Variants in MRPS28 observed in about 807,000 individuals in gnomAD.
The protein encoded by MRPS28 is small ribosomal subunit protein bS1m.
A neutral mutation model predicts 10.8 loss-of-function variants in MRPS28; 7 were observed. That is an observed-to-expected ratio of 0.65 (90% CI 0.37 to 1.22). The LOEUF (loss-of-function observed/expected upper bound fraction) is 1.22, where lower values mean the gene tolerates loss of function less well. MRPS28 is among the 50% of genes most tolerant of loss of function. The pLI, the probability that MRPS28 is intolerant of heterozygous loss-of-function variation, is 0.02. For synonymous variants in MRPS28, 121 were observed against 93.3 expected, an observed-to-expected ratio of 1.30 and a Z score of -1.71; for missense variants, 265 against 232.9, an observed-to-expected ratio of 1.14 and a Z score of -0.90.
intron 2 of MRPS28, among the ~76,000 whole-genome samples, chr8:79,927,947 G>A (rs1586039470): frequency 6.6e-6 from 1 of 152,100 alleles, no homozygotes; most frequent in East Asian, 1.9e-4. Context: ...CAAGAACCAG[G>A]GTCAACCAGG....
intron 1 of MRPS28, among the ~76,000 whole-genome samples, chr8:80,018,155 T>C (rs2370108): frequency 0.8 from 122,031 of 151,912 alleles, 49,766 homozygotes; most frequent in African/African-American, 0.95. Flanking sequence ...TAGCAGGGCA[T>C]GGTGGCAGGC....
intron 2 of MRPS28, among the ~76,000 whole-genome samples, chr8:79,949,011 T>C (rs955509585): frequency 2.6e-5 from 4 of 152,146 alleles, no homozygotes; most frequent in African/African-American, 4.8e-5. Flanking sequence ...TCGAGTAGGA[T>C]GGTGTGTGTT....
chr8:79,919,942 C>CCCCCCT (rs1035291608), intron 2 of MRPS28, among the ~76,000 whole-genome samples: 8 of 93,576 alleles, frequency 8.5e-5, no homozygotes, highest in East Asian at 4.2e-4. Context: ...TGCTATCCCT[C>CCCCCCT]CCCCCACCCC....
chr8:79,927,920 T>C (rs1187305526), intron 2 of MRPS28, among the ~76,000 whole-genome samples: 1 of 152,152 alleles, frequency 6.6e-6, no homozygotes, highest in Non-Finnish European at 1.5e-5. Flanking sequence ...GTGCTTTAAA[T>C]AGCCTTTTCT....
intron 1 of MRPS28, among the ~76,000 whole-genome samples, chr8:80,014,665 C>T (rs1026561414): frequency 1.3e-5 from 2 of 152,100 alleles, no homozygotes; most frequent in African/African-American, 4.8e-5. Context: ...AAATGTGTGG[C>T]CATATGTAAA....
chr8:80,028,419 C>T (rs928971619), intron 1 of MRPS28, among the ~76,000 whole-genome samples: 2 of 152,034 alleles, frequency 1.3e-5, no homozygotes, highest in African/African-American at 4.8e-5. Context: ...TCAATCATCG[C>T]TATTCTGCTA....
At position 80,028,246 on chromosome 8, in the gene MRPS28, G is replaced by A. The variant is rs1244043862; in HGVS notation, c.213+1790C>T. On this transcript the variant is annotated intron_variant, in intron 1 of 2. Transcript: ENST00000276585. ...CTTAGAATGTGGTATGAATGGGAGC[G>A]AAGCGTGAGTGAGAAATATTAGGTA... Among the ~76,000 whole-genome samples, 8 of 152,124 alleles carry A rather than the reference G, an allele frequency of 5.3e-5. No homozygotes were observed. The South Asian group carries it at 1.5e-3, about 28-fold the overall frequency.
chr8:79,986,769 TA>T (rs56703806), intron 2 of MRPS28, among the ~76,000 whole-genome samples: 2 of 151,568 alleles, frequency 1.3e-5, no homozygotes, highest in Non-Finnish European at 2.9e-5. Context: ...CTCAACGAAA[TA>T]AAAGAGGATA....
At chr8:80,010,570 A>G (rs1319709299) in intron 1 of MRPS28, among the ~76,000 whole-genome samples, 1 of 152,210 alleles carries the variant, frequency 6.6e-6, no homozygotes, top group African/African-American at 2.4e-5. Flanking sequence ...TTAATTTTTA[A>G]TGTTTTAATT....
chr8:79,934,635 C>T (rs779749233), intron 2 of MRPS28, among the ~76,000 whole-genome samples: 1 of 152,132 alleles, frequency 6.6e-6, no homozygotes, highest in Non-Finnish European at 1.5e-5. Flanking sequence ...AGAATACTCA[C>T]CTTTGCTTTC....
At chr8:79,952,557 C>A (rs1470922225) in intron 2 of MRPS28, among the ~76,000 whole-genome samples, 2 of 152,142 alleles carry the variant, frequency 1.3e-5, no homozygotes, top group Non-Finnish European at 2.9e-5. Context: ...TGGGCTGGAA[C>A]CTCCTCTCCA....
intron 2 of MRPS28, among the ~76,000 whole-genome samples, chr8:79,942,622 T>A (rs1360314419): frequency 1.3e-5 from 2 of 152,204 alleles, no homozygotes; most frequent in Non-Finnish European, 2.9e-5. Flanking sequence ...TGGGTCAGTG[T>A]GAATTTACCC....
intron 2 of MRPS28, among the ~76,000 whole-genome samples, chr8:79,974,809 A>G (rs1807746067): frequency 1.3e-5 from 2 of 152,166 alleles, no homozygotes; most frequent in Non-Finnish European, 1.5e-5. Context: ...TCACCTGGCC[A>G]ATAGTAATTT....
intron 2 of MRPS28, among the ~76,000 whole-genome samples, chr8:79,931,898 G>T (rs1586042101): frequency 6.6e-6 from 1 of 152,332 alleles, no homozygotes; most frequent in East Asian, 1.9e-4. Context: ...TAATCTACTG[G>T]ATAAGCAACA....
At chr8:79,966,129 T>C (rs543727404) in intron 2 of MRPS28, among the ~76,000 whole-genome samples, 2 of 152,156 alleles carry the variant, frequency 1.3e-5, no homozygotes, top group East Asian at 1.9e-4. Flanking sequence ...AATTCTATTA[T>C]TGAGTCAGCA....
intron 1 of MRPS28, among the ~76,000 whole-genome samples, chr8:80,020,301 GA>G (rs1182196846): frequency 6.6e-6 from 1 of 152,118 alleles, no homozygotes; most frequent in Non-Finnish European, 1.5e-5. Flanking sequence ...CACTAATTCT[GA>G]AAGGAGGGAG....
intron 2 of MRPS28, among the ~76,000 whole-genome samples, chr8:79,962,741 T>C (rs7814696): frequency 0.016 from 2,457 of 152,200 alleles, 70 homozygotes; most frequent in African/African-American, 0.056. Context: ...GGTGCTCAAA[T>C]GGTAAAGGGA....
chr8:79,952,131 AGT>A (rs1807094965), intron 2 of MRPS28, among the ~76,000 whole-genome samples: 1 of 152,174 alleles, frequency 6.6e-6, no homozygotes, highest in Non-Finnish European at 1.5e-5. Context: ...CCTTCCTCCA[AGT>A]AGATTTCATG....
At chr8:79,945,650 C>T (rs1204938187) in intron 2 of MRPS28, among the ~76,000 whole-genome samples, 1 of 151,898 alleles carries the variant, frequency 6.6e-6, no homozygotes, top group African/African-American at 2.4e-5. Flanking sequence ...ATGTATTTTA[C>T]CACAATAAAA....
Sources: gnomAD v4.1 joint callset for allele counts (sites outside exome capture counted in the v4.1 genomes callset) on GRCh38, gnomAD v4.1.1 for gene constraint, MANE v1.5 for transcripts, NCBI Gene and HGNC (gene_info 2026-07-23, HGNC 2026-07-21) for gene names.